Variants in SMCHD1 observed in about 807,000 individuals in gnomAD.
SMCHD1 encodes the protein structural maintenance of chromosomes flexible hinge domain-containing protein 1.
SMCHD1 carries 78 observed loss-of-function variants against 254.7 expected under a neutral mutation model. The ratio of observed to expected loss-of-function variants is 0.31; its 90% CI spans 0.26 to 0.37. The LOEUF (loss-of-function observed/expected upper bound fraction) is 0.37. SMCHD1 is among the 10% of genes least tolerant of loss of function. The pLI, the probability that SMCHD1 is intolerant of heterozygous loss-of-function variation, is 1.00. For missense variants in SMCHD1, 1,840 were observed against 2,408.1 expected (o/e 0.76, Z 4.94); for synonymous variants, 766 against 794.9 (o/e 0.96, Z 0.61).
intron 42 of SMCHD1, among the ~76,000 whole-genome samples, chr18:2,777,067 C>A (rs532198599): frequency 2.2e-4 from 32 of 147,928 alleles, no homozygotes; most frequent in African/African-American, 3.2e-4. Flanking sequence ...CCACCTCCCC[C>A]CCCCATACCC....
At chr18:2,782,263 A>G (rs1206021820) in intron 44 of SMCHD1, among the ~76,000 whole-genome samples, 2 of 152,154 alleles carry the variant, frequency 1.3e-5, no homozygotes, top group African/African-American at 4.8e-5. Flanking sequence ...TTTTTGTCCT[A>G]ATAGTGTACT....
intron 34 of SMCHD1, among the ~76,000 whole-genome samples, chr18:2,758,420 C>G (rs969600129): frequency 6.6e-6 from 1 of 152,124 alleles, no homozygotes; most frequent in Non-Finnish European, 1.5e-5. Flanking sequence ...CTTCCATTCC[C>G]TTCTCCCAAT....
intron 29 of SMCHD1, among the ~76,000 whole-genome samples, chr18:2,745,750 C>T (rs1310624599): frequency 6.6e-6 from 1 of 151,856 alleles, no homozygotes; most frequent in Non-Finnish European, 1.5e-5. Flanking sequence ...CTTGTTAGCT[C>T]AAAAATTTAT....
intron 34 of SMCHD1, among the ~76,000 whole-genome samples, chr18:2,758,861 T>TA (rs987527690): frequency 1.3e-5 from 2 of 152,192 alleles, no homozygotes. Context: ...ATTTCTTTTT[T>TA]ACATCCTGCT....
At chr18:2,793,775 A>G (rs1465038206) in intron 45 of SMCHD1, among the ~76,000 whole-genome samples, 1 of 152,178 alleles carries the variant, frequency 6.6e-6, no homozygotes, top group Non-Finnish European at 1.5e-5. Context: ...AGTTTCACAT[A>G]TAGAATTTGT....
rs2075070792 is a variant in SMCHD1, at chr18:2,728,613, A to G, written c.2913+17A>G. On this transcript the variant is annotated intron_variant, in intron 23 of 47. Transcript: ENST00000320876. The stretch of plus-strand genomic sequence containing the variant: ...CATTGTAAGGTAAGCTTATTGGAAG[A>G]TATTTAGATTGAGTCCCATTGTAGT... The G allele has an allele frequency of 1.2e-6, 2 of 1,607,074 alleles. No homozygotes were observed. Among genetic ancestry groups the G allele is most frequent in the Non-Finnish European group, 1.7e-6 (2 of 1,176,802 alleles).
chr18:2,666,719 T>C (rs2073449375), intron 2 of SMCHD1, 151 bp from the exon 3 acceptor site: 2 of 569,084 alleles, frequency 3.5e-6, no homozygotes, highest in African/African-American at 3.7e-5. Flanking sequence ...TTAATATCCT[T>C]AACATGACTT....
chr18:2,757,222 T>C (rs2075698496), intron 34 of SMCHD1, among the ~76,000 whole-genome samples: 1 of 152,178 alleles, frequency 6.6e-6, no homozygotes, highest in Non-Finnish European at 1.5e-5. Context: ...TTCTTTTTTC[T>C]TTTTTTGAAC....
chr18:2,760,764 A>G (rs749496943), intron 35 of SMCHD1, 25 bp downstream of exon 35: 2 of 1,351,416 alleles, frequency 1.5e-6, no homozygotes, highest in African/African-American at 2.9e-5. Context: ...TTTATATACC[A>G]CAGTTAGCTT....
chr18:2,659,981 T>A (rs570321926), intron 1 of SMCHD1, among the ~76,000 whole-genome samples: 1 of 152,288 alleles, frequency 6.6e-6, no homozygotes, highest in East Asian at 1.9e-4. Flanking sequence ...CTGATCATTT[T>A]GGTAGGTAAT....
At chr18:2,709,167 C>A (rs1598348217) in intron 17 of SMCHD1, among the ~76,000 whole-genome samples, 1 of 149,394 alleles carries the variant, frequency 6.7e-6, no homozygotes, top group East Asian at 2.0e-4. Flanking sequence ...CATAGTGTGT[C>A]AGAATTCCCA....
chr18:2,766,746 G>T (rs887015979), intron 37 of SMCHD1, among the ~76,000 whole-genome samples: 34 of 152,270 alleles, frequency 2.2e-4, no homozygotes, highest in African/African-American at 7.9e-4. Flanking sequence ...ATTTCTGATG[G>T]CAGTGTCTAA....
At chr18:2,799,917 TTCTC>T (rs377744776) in intron 47 of SMCHD1, among the ~76,000 whole-genome samples, 4 of 152,264 alleles carry the variant, frequency 2.6e-5, no homozygotes, top group East Asian at 1.9e-4. Flanking sequence ...TTCCATGTCT[TTCTC>T]TCTCTTATAA....
At chr18:2,698,928 T>C (rs917474496) in intron 10 of SMCHD1, among the ~76,000 whole-genome samples, 1 of 152,212 alleles carries the variant, frequency 6.6e-6, no homozygotes, top group Non-Finnish European at 1.5e-5. Flanking sequence ...AAAAAACATT[T>C]TCACTATTGT....
At chr18:2,781,264 T>C (rs2076153262) in intron 44 of SMCHD1, among the ~76,000 whole-genome samples, 2 of 152,238 alleles carry the variant, frequency 1.3e-5, no homozygotes, top group Non-Finnish European at 2.9e-5. Flanking sequence ...TCTTGAACTT[T>C]GGCACTAAGC....
At chr18:2,748,226 A>G (rs1463814614) in intron 30 of SMCHD1, among the ~76,000 whole-genome samples, 1 of 151,838 alleles carries the variant, frequency 6.6e-6, no homozygotes, top group African/African-American at 2.4e-5. Flanking sequence ...AAAGTTCAAG[A>G]TTAGGTATCA....
chr18:2,802,440 G>T, intron 47 of SMCHD1, 88 bp from the exon 48 acceptor site: 1 of 915,350 alleles, frequency 1.1e-6, no homozygotes, highest in South Asian at 1.7e-5. Context: ...GGTTTCATTG[G>T]ATATTTAAGC....
rs1326976193 is a variant in SMCHD1, at chr18:2,700,580, G to C, written c.1384G>C (p.Glu462Gln). The C allele has an allele frequency of 6.2e-7, 1 of 1,612,168 alleles. No individual in the cohort carries two copies. Among genetic ancestry groups the C allele is most frequent in the East Asian group, 2.2e-5 (1 of 44,790 alleles). Residue 462 changes from glutamate to glutamine, a missense_variant, in exon 11 of 48, where the codon GAG (glutamate) becomes CAG (glutamine). By Grantham distance (29) the Glu-to-Gln change is conservative. Around this residue, in one of 9 missense-constraint regions of SMCHD1, gnomAD observed 498 missense variants for 743.5 expected, o/e 0.67. Coordinates refer to ENST00000320876, the MANE Select transcript of SMCHD1 (RefSeq NM_015295.3). ...EDDEDDCFIL[E>Q]KAARGKRPIF... ...TGATGAAGATGATTGTTTCATACTT[G>C]AGAAAGCAGCTAGAGGGAAAAGGCC...
intron 3 of SMCHD1, among the ~76,000 whole-genome samples, chr18:2,671,595 C>CTTTTTTTTTT (rs760647745): frequency 1.1e-4 from 13 of 119,594 alleles, no homozygotes; most frequent in African/African-American, 2.9e-4. Flanking sequence ...CTTTTCTTTT[C>CTTTTTTTTTT]TTTTTTTTTT....
Sources: gnomAD v4.1 joint callset for allele counts (sites outside exome capture counted in the v4.1 genomes callset) on GRCh38, gnomAD v4.1.1 for gene constraint, gnomAD v4.1.1 regional missense constraint, MANE v1.5 for transcripts, NCBI Gene and HGNC (gene_info 2026-07-23, HGNC 2026-07-21) for gene names.